The following CAMSAP1 variants were observed in gnomAD, a reference collection of about 807,000 sequenced individuals.
CAMSAP1 encodes the protein calmodulin regulated spectrin associated protein 1.
CAMSAP1 carries 58 observed loss-of-function variants against 143.5 expected under a neutral mutation model. That is an observed-to-expected ratio of 0.40 (90% CI 0.33 to 0.50). The LOEUF (loss-of-function observed/expected upper bound fraction) is 0.50. Ranked by LOEUF, CAMSAP1 falls within the 20% of genes least tolerant of loss-of-function variation. CAMSAP1 has a pLI of 0.45. For missense variants in CAMSAP1, 1,969 were observed against 2,115.7 expected (o/e 0.93, Z 1.36); for synonymous variants, 945 against 859.3 (o/e 1.10, Z -1.74).
intron 5 of CAMSAP1, among the ~76,000 whole-genome samples, chr9:135,850,767 C>T (rs568500408): frequency 2.0e-5 from 3 of 152,340 alleles, no homozygotes; most frequent in South Asian, 4.1e-4. Context: ...CACTTTACAG[C>T]AGAGCCATGC....
intron 1 of CAMSAP1, among the ~76,000 whole-genome samples, chr9:135,894,825 T>C (rs766303989): frequency 1.3e-5 from 2 of 152,196 alleles, no homozygotes; most frequent in Non-Finnish European, 2.9e-5. Context: ...AAATCAAATG[T>C]TGGAACTATC....
intron 1 of CAMSAP1, among the ~76,000 whole-genome samples, chr9:135,898,389 A>G (rs1188971585): frequency 6.6e-6 from 1 of 152,194 alleles, no homozygotes; most frequent in Non-Finnish European, 1.5e-5. Flanking sequence ...TCCCGCCTGT[A>G]ATCCTAGCAC....
chr9:135,833,729 G>T (rs1835927326), intron 7 of CAMSAP1, among the ~76,000 whole-genome samples: 1 of 152,112 alleles, frequency 6.6e-6, no homozygotes, highest in South Asian at 2.1e-4. Flanking sequence ...TAAAACTCTA[G>T]GGAAATAAGC....
chr9:135,818,547 C>G lies in CAMSAP1; in HGVS notation c.4029G>C (p.Glu1343Asp), dbSNP rs1156946368. 1.9e-6 allele frequency: 3 copies of G among 1,613,092 alleles called. No homozygotes were observed. In the African/African-American group the frequency reaches 4.0e-5, roughly 22 times the overall value. Residue 1343 changes from glutamate to aspartate, a missense_variant, in exon 13 of 17, where the codon GAG (glutamate) becomes GAC (aspartate). Glu to Asp is a conservative substitution (Grantham distance 45). Transcript: ENST00000389532. The surrounding 1 kb of genome is among the most constrained non-coding windows in gnomAD (Gnocchi z 7.7). ...TCTGCTGCTGCTTCCTCCGCAGGTA[C>G]TCCTGCTTGATGAGCTCGCGCCGCG... The part of the protein sequence containing the change: ...EKARRELIKQ[E>D]YLRRKQQQIL...
intron 14 of CAMSAP1, chr9:135,817,730 T>C (rs1226667025): frequency 2.2e-6 from 1 of 462,450 alleles, no homozygotes; most frequent in African/African-American, 2.0e-5. Flanking sequence ...AAGAAGCAGG[T>C]GTGCACGTGT....
At chr9:135,872,434 T>TA (rs959214891) in intron 3 of CAMSAP1, among the ~76,000 whole-genome samples, 5 of 150,686 alleles carry the variant, frequency 3.3e-5, no homozygotes, top group South Asian at 2.1e-4. Context: ...AGGGAGTACT[T>TA]AAAAAAAAAT....
At chr9:135,867,188 CACAG>C (rs1037447507) in intron 3 of CAMSAP1, among the ~76,000 whole-genome samples, 5 of 152,082 alleles carry the variant, frequency 3.3e-5, no homozygotes. Context: ...CATCAAACAA[CACAG>C]ACAAAGGAGT....
chr9:135,812,482 C>T (rs1276739152), intron 16 of CAMSAP1, among the ~76,000 whole-genome samples: 1 of 152,092 alleles, frequency 6.6e-6, no homozygotes, highest in Non-Finnish European at 1.5e-5. Flanking sequence ...GACAGACTGG[C>T]GACCGCCAAG....
rs1835395271 is a variant in CAMSAP1 at position 135,820,235 on chromosome 9, GAA to G, written c.3822+602_3822+603del. Reference sequence around the variant, plus strand: ...TATCTAAACATTGAAAAACTACCACGAAAACATGGTCTTATCATCTTAGGAGA... The same window carrying G: ...TATCTAAACATTGAAAAACTACCACGAACATGGTCTTATCATCTTAGGAGA... On this transcript the variant is annotated intron_variant, in intron 11 of 16. Transcript: ENST00000389532. This position sits in a 1 kb window ranked among gnomAD's most constrained non-coding sequence, Gnocchi z 4.4. Among the ~76,000 whole-genome samples the G allele has an allele frequency of 6.6e-6, 1 of 152,220 alleles. No individual in the cohort carries two copies. The highest frequency in any genetic ancestry group is 1.9e-4 in the East Asian group (1 of 5,176).
At chr9:135,833,766 T>A (rs557162663) in intron 7 of CAMSAP1, among the ~76,000 whole-genome samples, 1 of 152,172 alleles carries the variant, frequency 6.6e-6, no homozygotes, top group East Asian at 1.9e-4. Context: ...TGGTGATGAT[T>A]TGGTTATCAC....
At chr9:135,869,874 G>A (rs980836258) in intron 3 of CAMSAP1, among the ~76,000 whole-genome samples, 17 of 152,088 alleles carry the variant, frequency 1.1e-4, no homozygotes, top group Admixed American at 2.0e-4. Context: ...GCTGACACCC[G>A]CTACAACACA....
At chr9:135,839,091 C>T (rs1014034581) in intron 7 of CAMSAP1, among the ~76,000 whole-genome samples, 5 of 152,246 alleles carry the variant, frequency 3.3e-5, no homozygotes, top group South Asian at 2.1e-4. Context: ...AGACACACTT[C>T]GCTACACACT....
At chr9:135,904,802 G>A (rs1838723017) in intron 1 of CAMSAP1, among the ~76,000 whole-genome samples, 1 of 151,972 alleles carries the variant, frequency 6.6e-6, no homozygotes, top group African/African-American at 2.4e-5. Context: ...CCGTCTCTAC[G>A]AAAAATACAA....
intron 1 of CAMSAP1, among the ~76,000 whole-genome samples, chr9:135,891,891 A>T (rs948024012): frequency 6.6e-6 from 1 of 152,252 alleles, no homozygotes; most frequent in Non-Finnish European, 1.5e-5. Flanking sequence ...AAAAAGTACA[A>T]TGGCAACATA....
chr9:135,855,757 A>G (rs1836936187), intron 5 of CAMSAP1, among the ~76,000 whole-genome samples: 1 of 148,794 alleles, frequency 6.7e-6, no homozygotes, highest in Non-Finnish European at 1.5e-5. Context: ...TTAAAAAAAA[A>G]AAAAAAAAAA....
chr9:135,905,543 G>A (rs1301385477), intron 1 of CAMSAP1, among the ~76,000 whole-genome samples: 4 of 152,156 alleles, frequency 2.6e-5, no homozygotes, highest in Non-Finnish European at 5.9e-5. Flanking sequence ...CAGCGCCCAC[G>A]AGCAGCTGCG....
chr9:135,903,706 A>G (rs1838682975), intron 1 of CAMSAP1, among the ~76,000 whole-genome samples: 1 of 152,266 alleles, frequency 6.6e-6, no homozygotes, highest in Non-Finnish European at 1.5e-5. Context: ...CAAGTTAAAT[A>G]TTGAAGCCAC....
chr9:135,813,229 G>A (rs1013239651), intron 16 of CAMSAP1, among the ~76,000 whole-genome samples: 5 of 152,184 alleles, frequency 3.3e-5, no homozygotes, highest in Non-Finnish European at 7.3e-5. Flanking sequence ...CAAGTGTGCG[G>A]CAGAACCTTC....
intron 3 of CAMSAP1, among the ~76,000 whole-genome samples, chr9:135,867,676 T>C (rs1837427845): frequency 6.6e-6 from 1 of 152,058 alleles, no homozygotes; most frequent in African/African-American, 2.4e-5. Context: ...AAATATAAAT[T>C]ACCAAAAAAT....
Sources: gnomAD v4.1 joint callset for allele counts (sites outside exome capture counted in the v4.1 genomes callset) on GRCh38, gnomAD v4.1.1 for gene constraint, Gnocchi (gnomAD v3.1) non-coding constraint, MANE v1.5 for transcripts, NCBI Gene and HGNC (gene_info 2026-07-23, HGNC 2026-07-21) for gene names.